CALN1: variants seen among roughly 807,000 people sequenced by gnomAD.
CALN1 encodes the protein calneuron 1.
In CALN1, 17 loss-of-function variants were observed where a neutral mutation model predicts 30.6. That is an observed-to-expected ratio of 0.56 (90% CI 0.38 to 0.83). The LOEUF is 0.83. CALN1 is among the 40% of genes least tolerant of loss of function. CALN1 has a pLI of 0.00. For missense variants in CALN1, 291 were observed against 354.9 expected, an observed-to-expected ratio of 0.82 and a Z score of 1.45; for synonymous variants, 156 against 131.4, an observed-to-expected ratio of 1.19 and a Z score of -1.28.
At chr7:71,914,879 A>G (rs1212636957) in intron 5 of CALN1, among the ~76,000 whole-genome samples, 1 of 152,194 alleles carries the variant, frequency 6.6e-6, no homozygotes, top group African/African-American at 2.4e-5. Flanking sequence ...TCGTTTGCCC[A>G]CTTTTTTATT....
chr7:72,025,171 G>A (rs1299306271), intron 4 of CALN1, among the ~76,000 whole-genome samples: 1 of 152,110 alleles, frequency 6.6e-6, no homozygotes, highest in Non-Finnish European at 1.5e-5. Flanking sequence ...TTAGCTGGGT[G>A]TGGTTGTCCA....
intron 3 of CALN1, among the ~76,000 whole-genome samples, chr7:72,275,351 G>C (rs1375773550): frequency 2.6e-5 from 4 of 152,016 alleles, no homozygotes; most frequent in Non-Finnish European, 5.9e-5. Flanking sequence ...ACTATGCCCT[G>C]GAAACTGGCT....
rs1292786180 is a variant in CALN1, at chr7:72,100,782, T to C, written c.388+5369A>G. ...TTGCAGTGAGCCAAGATCGCGCCAC[T>C]GCACTCCAGCCTGGGCAACAGAGCG... On this transcript the variant is annotated intron_variant, in intron 4 of 6. Transcript: ENST00000395275. Among the ~76,000 whole-genome samples, 54 of 127,940 alleles carry C rather than the reference T, an allele frequency of 4.2e-4. 1 individual carries two copies. Among genetic ancestry groups the C allele is most frequent in the African/African-American group, 1.6e-3 (52 of 33,404 alleles). 83.9% of individuals were successfully genotyped at this position (127,940 alleles called of 152,430 possible).
intron 6 of CALN1, among the ~76,000 whole-genome samples, chr7:71,798,107 GAGAC>G (rs1485561916): frequency 3.2e-5 from 3 of 93,238 alleles, no homozygotes; most frequent in Admixed American, 1.1e-4. Flanking sequence ...GAGACAGAGA[GAGAC>G]AGAGACAGAG....
chr7:71,865,271 T>G (rs2116693449), intron 5 of CALN1, among the ~76,000 whole-genome samples: 1 of 152,212 alleles, frequency 6.6e-6, no homozygotes, highest in East Asian at 1.9e-4. Flanking sequence ...AGTGAGTTAT[T>G]GCAAGATCTG....
intron 5 of CALN1, among the ~76,000 whole-genome samples, chr7:71,982,105 C>T (rs2129527265): frequency 6.6e-6 from 1 of 152,234 alleles, no homozygotes; most frequent in Non-Finnish European, 1.5e-5. Flanking sequence ...TATCGACTGG[C>T]TGTTTTGGTT....
At chr7:72,383,608 G>A (rs913712431) in intron 2 of CALN1, among the ~76,000 whole-genome samples, 22 of 152,122 alleles carry the variant, frequency 1.4e-4, no homozygotes, top group Non-Finnish European at 2.8e-4. Flanking sequence ...AGCAGCTGGC[G>A]CAGATGGTCC....
rs113839267 is a variant in CALN1 at position 72,389,969 on chromosome 7, T to C, written c.119+13282A>G. Among the ~76,000 whole-genome samples, 736 of 151,072 alleles carry C rather than the reference T, an allele frequency of 4.9e-3. 5 individuals are homozygous for C. Among genetic ancestry groups the C allele is most frequent in the African/African-American group, 0.017 (696 of 41,036 alleles). ...AAAGAAAAGAAAAAAAAGGGGAGAA[T>C]TAACAAGCACTAGTTTGATATTTGC... On this transcript the variant is annotated intron_variant, in intron 2 of 6. Coordinates refer to ENST00000395275, the MANE Select transcript of CALN1 (RefSeq NM_031468.4).
intron 2 of CALN1, among the ~76,000 whole-genome samples, chr7:72,378,462 G>A (rs1175756476): frequency 6.6e-6 from 1 of 152,010 alleles, no homozygotes; most frequent in Non-Finnish European, 1.5e-5. Flanking sequence ...ATTTTTTCAG[G>A]ATTTTTTAAT....
chr7:72,101,069 T>C (rs1806627334), intron 4 of CALN1, among the ~76,000 whole-genome samples: 1 of 151,372 alleles, frequency 6.6e-6, no homozygotes, highest in South Asian at 2.1e-4. Flanking sequence ...GTTCAAGTGA[T>C]TCTCGTGCCT....
chr7:72,359,134 C>T (rs889461727), intron 2 of CALN1, among the ~76,000 whole-genome samples: 2 of 152,126 alleles, frequency 1.3e-5, no homozygotes, highest in South Asian at 2.1e-4. Flanking sequence ...TTTCTAGGAA[C>T]CCTGCACTAG....
At chr7:71,884,077 C>A (rs1258604411) in intron 5 of CALN1, among the ~76,000 whole-genome samples, 2 of 152,058 alleles carry the variant, frequency 1.3e-5, no homozygotes, top group Non-Finnish European at 2.9e-5. Context: ...CCACGCCCAG[C>A]TAATTTTTTG....
At chr7:72,137,187 G>A (rs1214496550) in intron 3 of CALN1, among the ~76,000 whole-genome samples, 1 of 152,134 alleles carries the variant, frequency 6.6e-6, no homozygotes, top group African/African-American at 2.4e-5. Context: ...GGTCGGAGGG[G>A]AGCCTATCTC....
At chr7:72,277,296 C>T (rs1797399666) in intron 3 of CALN1, among the ~76,000 whole-genome samples, 1 of 152,242 alleles carries the variant, frequency 6.6e-6, no homozygotes, top group Admixed American at 6.5e-5. Context: ...CAAGGGCAGC[C>T]TTAGCCTGAA....
intron 5 of CALN1, among the ~76,000 whole-genome samples, chr7:71,926,035 G>A (rs890588257): frequency 6.6e-6 from 1 of 152,082 alleles, no homozygotes; most frequent in African/African-American, 2.4e-5. Context: ...GTGTAGTTTT[G>A]AGGACAACTG....
At chr7:71,939,732 C>T (rs1274520922) in intron 5 of CALN1, among the ~76,000 whole-genome samples, 1 of 152,064 alleles carries the variant, frequency 6.6e-6, no homozygotes, top group East Asian at 1.9e-4. Context: ...ATCTGAGACA[C>T]CTCTTTATAT....
rs141402292 is a variant in CALN1 at position 72,362,179 on chromosome 7, G to C, written c.119+41072C>G. ...CAAATGAATAAAATATCCACGTCCA[G>C]GGTTAGCACAATTAAAGATGTTCAC... On this transcript the variant is annotated intron_variant, in intron 2 of 6. Transcript: ENST00000395275. 1.2e-3 allele frequency among the ~76,000 whole-genome samples: 178 copies of C among 152,208 alleles called. 1 individual carries two copies. Among genetic ancestry groups the C allele is most frequent in the African/African-American group, 4.1e-3 (170 of 41,530 alleles).
intron 5 of CALN1, among the ~76,000 whole-genome samples, chr7:71,867,259 C>T (rs772789046): frequency 3.0e-4 from 46 of 151,928 alleles, no homozygotes; most frequent in Middle Eastern, 3.4e-3. Context: ...AGGCGTCTGT[C>T]AGGAAATATG....
chr7:71,851,252 CAT>C (rs1491559595), intron 5 of CALN1, among the ~76,000 whole-genome samples: 2 of 149,468 alleles, frequency 1.3e-5, no homozygotes, highest in Non-Finnish European at 3.0e-5. Flanking sequence ...CACACACACA[CAT>C]CACACATATA....
Sources: gnomAD v4.1 joint callset for allele counts (sites outside exome capture counted in the v4.1 genomes callset) on GRCh38, gnomAD v4.1.1 for gene constraint, MANE v1.5 for transcripts, NCBI Gene and HGNC (gene_info 2026-07-23, HGNC 2026-07-21) for gene names.